The following CSNK1G2 variants were observed in gnomAD, a reference collection of about 807,000 sequenced individuals.
CSNK1G2 encodes casein kinase I isoform gamma-2.
In CSNK1G2, 11 loss-of-function variants were observed where a neutral mutation model predicts 48.0. That is an observed-to-expected ratio of 0.23 (90% confidence interval 0.14 to 0.38). The LOEUF is 0.38. Ranked by LOEUF, CSNK1G2 falls within the 10% of genes least tolerant of loss-of-function variation. The pLI is 1.00. For synonymous variants in CSNK1G2, 337 were observed against 254.1 expected (o/e 1.33, Z -3.10); for missense variants, 446 against 595.5 (o/e 0.75, Z 2.61).
chr19:1,975,187 G>C (rs1212987031), intron 2 of CSNK1G2: 1 of 985,368 alleles, frequency 1.0e-6, no homozygotes, highest in Non-Finnish European at 1.2e-6. Context: ...TCAAGACGCT[G>C]CCAAGAGCAT....
In CSNK1G2 at chr19:1,979,221, C is replaced by T. The variant is rs373599985; in HGVS notation, c.741C>T (p.Arg247=). 1.2e-5 allele frequency: 19 copies of T among 1,550,636 alleles called. No individual in the cohort carries two copies. In the African/African-American group the frequency reaches 2.2e-4, roughly 18 times the overall value. The change falls in exon 7 of 12, where the codon CGC becomes CGT. Residue 247 remains arginine, a synonymous_variant. Coordinates refer to ENST00000255641, the MANE Select transcript of CSNK1G2 (RefSeq NM_001319.7). ...ALGHMFMYFL[R]GSLPWQGLKA... ...GCCACATGTTCATGTACTTCCTGCG[C>T]GGCAGCCTCCCCTGGCAGGGGCTCA...
At chr19:1,945,589 A>T (rs1163665553) in intron 1 of CSNK1G2, among the ~76,000 whole-genome samples, 2 of 152,204 alleles carry the variant, frequency 1.3e-5, no homozygotes, top group Admixed American at 6.5e-5. Context: ...TGGGAGGCCG[A>T]GGTGGGCGGA....
At chr19:1,974,975 G>A (rs2015703678) in intron 2 of CSNK1G2, 2 of 785,472 alleles carry the variant, frequency 2.5e-6, no homozygotes, top group East Asian at 1.3e-4. Context: ...TCAGAGCCCA[G>A]AGCGCCCGAC....
rs1291246711 is a variant in CSNK1G2, at chr19:1,980,483, A to G, written c.*280A>G. The G allele has an allele frequency of 4.0e-6, 2 of 495,404 alleles. No homozygotes were observed. The highest frequency in any genetic ancestry group is 7.5e-5 in the East Asian group (2 of 26,658). The allele number at this position is 495,404 out of a possible 1,614,324, so 30.7% of individuals were successfully genotyped here. ...AAACAAGGAAAAGAGGAAAAAAAAA[A>G]CAGAGGCCCGCCCTACCCCACTCCT... On this transcript the variant is annotated 3_prime_UTR_variant, in exon 12 of 12. Coordinates refer to ENST00000255641, the MANE Select transcript of CSNK1G2 (RefSeq NM_001319.7).
chr19:1,976,028 C>T, intron 2 of CSNK1G2: 1 of 1,279,254 alleles, frequency 7.8e-7, no homozygotes, highest in Non-Finnish European at 1.0e-6. Context: ...GAACGAGACT[C>T]TGCTCCAAAA....
At chr19:1,961,578 G>A (rs1200553243) in intron 1 of CSNK1G2, among the ~76,000 whole-genome samples, 1 of 152,212 alleles carries the variant, frequency 6.6e-6, no homozygotes, top group African/African-American at 2.4e-5. Context: ...GTGTTGAGGC[G>A]TGAGGTACTG....
intron 1 of CSNK1G2, chr19:1,953,823 G>A (rs766039901): frequency 1.1e-5 from 6 of 526,488 alleles, no homozygotes; most frequent in African/African-American, 5.8e-5. Context: ...GATCACCTGT[G>A]GCCCTCCTGT....
intron 1 of CSNK1G2, among the ~76,000 whole-genome samples, chr19:1,960,009 C>G (rs960012378): frequency 1.3e-5 from 2 of 152,206 alleles, no homozygotes; most frequent in Non-Finnish European, 1.5e-5. Context: ...AGAGTTTGTT[C>G]CCTGCTGTTG....
intron 1 of CSNK1G2, among the ~76,000 whole-genome samples, chr19:1,955,039 G>A (rs759645574): frequency 5.9e-5 from 9 of 152,148 alleles, no homozygotes; most frequent in African/African-American, 9.7e-5. Flanking sequence ...TCCAGGCCCC[G>A]GCCTTGTCTG....
At position 1,957,559 on chromosome 19, in the gene CSNK1G2, C is replaced by T. The variant is rs1296276956; in HGVS notation, c.-265-11949C>T. Among the ~76,000 whole-genome samples, 3 of 152,208 alleles carry T rather than the reference C, an allele frequency of 2.0e-5. No homozygotes were observed. Among genetic ancestry groups the T allele is most frequent in the Non-Finnish European group, 4.4e-5 (3 of 68,030 alleles). On this transcript the variant is annotated intron_variant, in intron 1 of 11. Transcript: ENST00000255641. The surrounding 1 kb of genome is among the most constrained non-coding windows in gnomAD (Gnocchi z 5.4). The stretch of plus-strand genomic sequence containing the variant: ...TCATGTTTGTCCTCACTGAGGGAGC[C>T]GAGCAGATGCCTTTGCCCCTGCAGG...
intron 1 of CSNK1G2, among the ~76,000 whole-genome samples, chr19:1,949,301 C>A (rs903833128): frequency 2.6e-5 from 4 of 152,214 alleles, no homozygotes; most frequent in African/African-American, 9.6e-5. Flanking sequence ...GTGAAACGTT[C>A]ACTCCCGTGC....
chr19:1,959,755 G>A lies in CSNK1G2; in HGVS notation c.-265-9753G>A, dbSNP rs75740929. On this transcript the variant is annotated intron_variant, in intron 1 of 11. Coordinates refer to ENST00000255641, the MANE Select transcript of CSNK1G2 (RefSeq NM_001319.7). ...CACCTGTGCCACCTTTAGTGCCACC[G>A]TGGGTCCCCCAGCACCCGTCCCACC... Among the ~76,000 whole-genome samples the A allele has an allele frequency of 1.0e-4, 5 of 47,992 alleles. 2 individuals are homozygous for A. The highest frequency in any genetic ancestry group is 9.3e-4 in the African/African-American group (4 of 4,280). 31.5% of individuals were successfully genotyped at this position (47,992 alleles called of 152,430 possible).
intron 1 of CSNK1G2, among the ~76,000 whole-genome samples, chr19:1,945,448 C>T (rs896671655): frequency 1.3e-5 from 2 of 152,260 alleles, no homozygotes; most frequent in African/African-American, 4.8e-5. Flanking sequence ...TCCTGTCACC[C>T]TCAGGCGTGC....
At chr19:1,948,540 C>A (rs929414598) in intron 1 of CSNK1G2, among the ~76,000 whole-genome samples, 73 of 88,430 alleles carry the variant, frequency 8.3e-4, no homozygotes, top group Non-Finnish European at 1.6e-3. Flanking sequence ...AAAAAAAAAA[C>A]GCAAAAAAAA....
In CSNK1G2 at chr19:1,979,732, C is replaced by T. The variant is rs551867619; in HGVS notation, c.1003-20C>T. Reference sequence around the variant, plus strand: ...AACCGGCGCTGCAGCCCATCCTGACCCCTGCTCCCTCACCCACAGCCGACC... The same window carrying T: ...AACCGGCGCTGCAGCCCATCCTGACTCCTGCTCCCTCACCCACAGCCGACC... On this transcript the variant is annotated intron_variant, in intron 9 of 11. Transcript: ENST00000255641. The T allele has an allele frequency of 1.6e-5, 25 of 1,604,642 alleles. 1 individual carries two copies. In the South Asian group the frequency reaches 1.6e-4, roughly 11 times the overall value.
intron 2 of CSNK1G2, among the ~76,000 whole-genome samples, chr19:1,977,380 C>T (rs898399263): frequency 6.6e-6 from 1 of 152,202 alleles, no homozygotes; most frequent in Non-Finnish European, 1.5e-5. Context: ...CCTCCCAGGC[C>T]GGCTTCCACA....
At chr19:1,944,791 C>T (rs553368451) in intron 1 of CSNK1G2, among the ~76,000 whole-genome samples, 2 of 152,262 alleles carry the variant, frequency 1.3e-5, no homozygotes, top group African/African-American at 4.8e-5. Flanking sequence ...GCGGGCAGCC[C>T]TGCAGCGGGC....
intron 1 of CSNK1G2, among the ~76,000 whole-genome samples, chr19:1,950,906 G>A (rs1469906226): frequency 2.1e-5 from 3 of 146,008 alleles, no homozygotes; most frequent in Non-Finnish European, 4.5e-5. Context: ...GAAGTTTTCG[G>A]TGAGCTGGGC....
intron 1 of CSNK1G2, among the ~76,000 whole-genome samples, chr19:1,959,965 G>A (rs572074460): frequency 1.3e-5 from 2 of 152,182 alleles, no homozygotes; most frequent in South Asian, 4.1e-4. Flanking sequence ...TTGGGTTCAC[G>A]GTCCTCCTGC....
Sources: allele counts gnomAD v4.1 joint callset (sites outside exome capture counted in the v4.1 genomes callset), GRCh38; gene constraint gnomAD v4.1.1; non-coding constraint Gnocchi (gnomAD v3.1); transcripts MANE v1.5; gene names NCBI Gene and HGNC (gene_info 2026-07-23, HGNC 2026-07-21).